Variants in DPEP2 observed in about 807,000 individuals in gnomAD.
DPEP2 encodes the protein dipeptidase 2.
DPEP2 carries 45 observed loss-of-function variants against 51.8 expected under a neutral mutation model. The ratio of observed to expected loss-of-function variants is 0.87; its 90% CI spans 0.68 to 1.11. The LOEUF (loss-of-function observed/expected upper bound fraction) is 1.11. DPEP2 is among the 50% of genes most tolerant of loss of function. DPEP2 has a pLI of 0.00. For synonymous variants in DPEP2, 255 were observed against 262.7 expected (o/e 0.97, Z 0.28); for missense variants, 604 against 631.9 (o/e 0.96, Z 0.47).
chr16:67,988,879 C>T (rs763693615), intron 9 of DPEP2, among the ~76,000 whole-genome samples: 2 of 151,726 alleles, frequency 1.3e-5, no homozygotes, highest in Non-Finnish European at 2.9e-5. Context: ...GCCACTGCAC[C>T]CCAGTCTGGC....
chr16:67,993,118 C>A lies in DPEP2; in HGVS notation c.95G>T (p.Cys32Phe). 1.3e-6 allele frequency: 2 copies of A among 1,559,438 alleles called. No homozygotes were observed. Among genetic ancestry groups the A allele is most frequent in the South Asian group, 1.2e-5 (1 of 84,984 alleles). The change falls in exon 2 of 11, where the codon TGT becomes TTT. Residue 32 changes from cysteine to phenylalanine, a missense_variant. Physicochemically the swap from Cys to Phe is radical, Grantham distance 205 (BLOSUM62 -2). Transcript: ENST00000393847. Reference protein sequence around the residue: ...LLLLLLQPVTCAYTTPGPPRA... With the variant: ...LLLLLLQPVTFAYTTPGPPRA... ...GGGGGGGCCTGGCGTGGTGTAGGCA[C>A]AGGTTACAGGCTGGAGCAGCAGCAG...
chr16:67,994,923 C>CA, intron 1 of DPEP2: 3 of 984,676 alleles, frequency 3.0e-6, no homozygotes, highest in Non-Finnish European at 3.6e-6. Flanking sequence ...TGTTTTGAGA[C>CA]AGAGTCTCAC....
chr16:67,987,818 C>T lies in DPEP2; in HGVS notation c.1206+34G>A, dbSNP rs200074884. ...GCTCTCCTTGATACACTTGCTCAGA[C>T]CCCTCGGCTACTCTCTTGCCCAGCC... On this transcript the variant is annotated intron_variant, in intron 10 of 10. Coordinates refer to ENST00000393847, the MANE Select transcript of DPEP2 (RefSeq NM_022355.4). 6.1e-4 allele frequency: 985 copies of T among 1,613,952 alleles called. 6 individuals are homozygous for T. Among genetic ancestry groups the T allele is most frequent in the Middle Eastern group, 8.2e-4 (5 of 6,084 alleles).
At chr16:67,996,762 G>T (rs2032722082) in intron 1 of DPEP2, among the ~76,000 whole-genome samples, 1 of 151,968 alleles carries the variant, frequency 6.6e-6, no homozygotes, top group African/African-American at 2.4e-5. Context: ...TGCTAGCTCA[G>T]CAGAGGCAGG....
At chr16:67,988,828 C>T (rs1431342412) in intron 9 of DPEP2, among the ~76,000 whole-genome samples, 1 of 151,990 alleles carries the variant, frequency 6.6e-6, no homozygotes, top group Admixed American at 6.6e-5. Context: ...GGCAGGATTG[C>T]TTGAGCCCAG....
At position 67,987,982 on chromosome 16, in the gene DPEP2, G is replaced by A; in HGVS notation, c.1076C>T (p.Pro359Leu). Reference protein sequence around the residue: ...GGDYDGAGKFPQGLEDVSTYP... With the variant: ...GGDYDGAGKFLQGLEDVSTYP... ...TGTGGACACGTCTTCCAGCCCCTGA[G>A]GGAATCTGTGTGGCCACCAGCTAGT... The change falls in exon 10 of 11, where the codon CCT becomes CTT. Residue 359 changes from proline to leucine, a missense_variant. Physicochemically the swap from Pro to Leu is moderately conservative, Grantham distance 98. Coordinates refer to ENST00000393847, the MANE Select transcript of DPEP2 (RefSeq NM_022355.4). The A allele has an allele frequency of 6.2e-7, 1 of 1,614,146 alleles. No homozygotes were observed. Among genetic ancestry groups the A allele is most frequent in the African/African-American group, 1.3e-5 (1 of 75,028 alleles).
Position 67,991,526 on chromosome 16 carries a change from C to G in DPEP2, c.662+312G>C, listed in dbSNP as rs2032156955. Reference sequence around the variant, plus strand: ...CTGAGTATCTGGGATTATAGGCACGCACCACCACACCTGGCTAATTTTTGT... The same window carrying G: ...CTGAGTATCTGGGATTATAGGCACGGACCACCACACCTGGCTAATTTTTGT... On this transcript the variant is annotated intron_variant, in intron 5 of 10. Coordinates refer to ENST00000393847, the MANE Select transcript of DPEP2 (RefSeq NM_022355.4). The surrounding 1 kb of genome is among the most constrained non-coding windows in gnomAD (Gnocchi z 5.1). 3 of 512,974 alleles carry G rather than the reference C, an allele frequency of 5.8e-6. No homozygotes were observed. The highest frequency in any genetic ancestry group is 3.3e-5 in the East Asian group (1 of 30,472). The allele number at this position is 512,974 out of a possible 1,614,324, so 31.8% of individuals were successfully genotyped here. A position where few individuals can be genotyped will look rare whatever the true frequency, so the allele number is the denominator to read the frequency against.
chr16:67,992,890 G>A, intron 2 of DPEP2, 60 bp downstream of exon 2: 1 of 1,553,166 alleles, frequency 6.4e-7, no homozygotes, highest in African/African-American at 1.4e-5. Context: ...CATACTCTGG[G>A]ACCCTCCCTT....
At position 67,987,618 on chromosome 16, in the gene DPEP2, A is replaced by G. The variant is rs1382895594; in HGVS notation, c.1349T>C (p.Ile450Thr). 1.9e-6 allele frequency: 3 copies of G among 1,614,182 alleles called. No individual in the cohort carries two copies. The highest frequency in any genetic ancestry group is 2.2e-5 in the East Asian group (1 of 44,882). Residue 450 changes from isoleucine (I) to threonine (T), a missense_variant, in exon 11 of 11, where the codon ATA becomes ACA. Coordinates refer to ENST00000393847, the MANE Select transcript of DPEP2 (RefSeq NM_022355.4). ...TSGQELTEIP[I>T]HWTAKLPAKW... is the part of the protein sequence containing the mutation. Reference sequence around the variant, plus strand: ...GGCTGGTAACTTGGCTGTCCAGTGTATGGGAATCTCAGTGAGTTCCTGGCC... The same window carrying G: ...GGCTGGTAACTTGGCTGTCCAGTGTGTGGGAATCTCAGTGAGTTCCTGGCC...
In DPEP2 at chr16:67,993,149, G is replaced by A. The variant is rs767923462; in HGVS notation, c.64C>T (p.Leu22Phe). Residue 22 changes from leucine to phenylalanine, a missense_variant, in exon 2 of 11, where the codon CTC becomes TTC. Leu to Phe is a conservative substitution (Grantham distance 22). Coordinates refer to ENST00000393847, the MANE Select transcript of DPEP2 (RefSeq NM_022355.4). Reference protein sequence around the residue: ...FGRWPLLSLLLLLLLLQPVTC... With the variant: ...FGRWPLLSLLFLLLLLQPVTC... ...ACAGGCTGGAGCAGCAGCAGCAGGAGCAGCAGACTCAGCAGAGGCCACCGA... is the reference window on the plus strand; with the variant it reads ...ACAGGCTGGAGCAGCAGCAGCAGGAACAGCAGACTCAGCAGAGGCCACCGA... 2 of 1,534,278 alleles carry A rather than the reference G, an allele frequency of 1.3e-6. No homozygotes were observed. Among genetic ancestry groups the A allele is most frequent in the Non-Finnish European group, 1.8e-6 (2 of 1,137,624 alleles).
intron 10 of DPEP2, 33 bp downstream of exon 10, chr16:67,987,819 C>T: frequency 1.2e-6 from 2 of 1,614,066 alleles, no homozygotes; most frequent in Non-Finnish European, 1.7e-6. Flanking sequence ...TTGCTCAGAC[C>T]CCTCGGCTAC....
In DPEP2 at chr16:67,991,511, G is replaced by T. The variant is rs975442152; in HGVS notation, c.662+327C>A. 3.9e-5 allele frequency: 20 copies of T among 514,742 alleles called. No individual in the cohort carries two copies. The highest frequency in any genetic ancestry group is 3.8e-4 in the African/African-American group (20 of 52,588). 31.9% of individuals were successfully genotyped at this position (514,742 alleles called of 1,614,324 possible). On this transcript the variant is annotated intron_variant, in intron 5 of 10. Transcript: ENST00000393847. The surrounding 1 kb of genome is among the most constrained non-coding windows in gnomAD (Gnocchi z 5.1). ...TCATGCCTCAGCCTCCTGAGTATCTGGGATTATAGGCACGCACCACCACAC... is the reference window on the plus strand; with the variant it reads ...TCATGCCTCAGCCTCCTGAGTATCTTGGATTATAGGCACGCACCACCACAC...
At position 67,990,921 on chromosome 16, in the gene DPEP2, G is replaced by A; in HGVS notation, c.809C>T (p.Ala270Val). 6.2e-7 allele frequency: 1 copy of A among 1,614,206 alleles called. No individual in the cohort carries two copies. Among genetic ancestry groups the A allele is most frequent in the South Asian group, 1.1e-5 (1 of 91,090 alleles). The change falls in exon 7 of 11, where the codon GCC becomes GTC. Residue 270 changes from alanine (A) to valine (V), a missense_variant. Coordinates refer to ENST00000393847, the MANE Select transcript of DPEP2 (RefSeq NM_022355.4). Reference sequence around the variant, plus strand: ...CACAGGTGCCTGTGACACTTCCAGGGCCCGCCGTGCCACAGCATCTGAGAC... The same window carrying A: ...CACAGGTGCCTGTGACACTTCCAGGACCCGCCGTGCCACAGCATCTGAGAC... ...SHVSDAVARR[A>V]LEVSQAPVIF...
In DPEP2 at chr16:67,987,614, G is replaced by A; in HGVS notation, c.1353C>T (p.His451=). The change falls in exon 11 of 11, where the codon CAC becomes CAT. Residue 451 remains histidine, a synonymous_variant. Transcript: ENST00000393847. ...SGQELTEIPI[H]WTAKLPAKWS... The stretch of plus-strand genomic sequence containing the variant: ...ACTTGGCTGGTAACTTGGCTGTCCA[G>A]TGTATGGGAATCTCAGTGAGTTCCT... 2 of 1,614,216 alleles carry A rather than the reference G, an allele frequency of 1.2e-6. No individual in the cohort carries two copies. Among genetic ancestry groups the A allele is most frequent in the Non-Finnish European group, 1.7e-6 (2 of 1,180,036 alleles).
Position 67,991,527 on chromosome 16 carries a change from A to AC in DPEP2, c.662+310dup. On this transcript the variant is annotated intron_variant, in intron 5 of 10. Coordinates refer to ENST00000393847, the MANE Select transcript of DPEP2 (RefSeq NM_022355.4). This position sits in a 1 kb window ranked among gnomAD's most constrained non-coding sequence, Gnocchi z 5.1. ...TGAGTATCTGGGATTATAGGCACGCACCACCACACCTGGCTAATTTTTGTG... is the reference window on the plus strand; with the variant it reads ...TGAGTATCTGGGATTATAGGCACGCACCCACCACACCTGGCTAATTTTTGTG... The AC allele has an allele frequency of 2.0e-6, 1 of 511,418 alleles. No homozygotes were observed. The allele number at this position is 511,418 out of a possible 1,614,324, so 31.7% of individuals were successfully genotyped here. A position where few individuals can be genotyped will look rare whatever the true frequency, so the allele number is the denominator to read the frequency against.
intron 1 of DPEP2, 81 bp from the exon 2 acceptor site, chr16:67,993,338 G>A: frequency 1.5e-6 from 2 of 1,320,940 alleles, no homozygotes; most frequent in Non-Finnish European, 1.9e-6. Context: ...GTGGCCTCAA[G>A]AGGAGGGTAA....
intron 1 of DPEP2, 115 bp from the exon 2 acceptor site, chr16:67,993,372 G>T: frequency 2.3e-6 from 3 of 1,298,708 alleles, no homozygotes; most frequent in Non-Finnish European, 2.9e-6. Context: ...CCCCGCGAAG[G>T]ATGTGCGGAG....
At chr16:68,000,570 C>T, upstream of DPEP2, 8 of 868,074 alleles carry the variant, frequency 9.2e-6, no homozygotes, top group Non-Finnish European at 1.1e-5. Context: ...CAGACAATTC[C>T]CAAGAAACAA....
chr16:67,996,367 CTTTT>C (rs1362942048), intron 1 of DPEP2, among the ~76,000 whole-genome samples: 1 of 89,924 alleles, frequency 1.1e-5, no homozygotes, highest in Non-Finnish European at 2.2e-5. Flanking sequence ...AATTTTTTTT[CTTTT>C]TTTTTTGAGA....
Sources: gnomAD v4.1 joint callset for allele counts (sites outside exome capture counted in the v4.1 genomes callset) on GRCh38, gnomAD v4.1.1 for gene constraint, Gnocchi (gnomAD v3.1) non-coding constraint, MANE v1.5 for transcripts, NCBI Gene and HGNC (gene_info 2026-07-23, HGNC 2026-07-21) for gene names.